The following TJP2 variants were observed in gnomAD, a reference collection of about 807,000 sequenced individuals.
TJP2 encodes the protein Friedreich ataxia region gene X104 (tight junction protein ZO-2).
TJP2 carries 91 observed loss-of-function variants against 133.1 expected under a neutral mutation model. The observed-to-expected ratio is 0.68, with a 90% CI of 0.58 to 0.81. The LOEUF is 0.81. TJP2 is among the 40% of genes least tolerant of loss of function. The pLI is 0.00. For missense variants in TJP2, 1,541 were observed against 1,565.6 expected, an observed-to-expected ratio of 0.98 and a Z score of 0.26; for synonymous variants, 592 against 583.4, an observed-to-expected ratio of 1.01 and a Z score of -0.21.
At chr9:69,252,157 G>A (rs1482566258) in intron 21 of TJP2, among the ~76,000 whole-genome samples, 1 of 152,052 alleles carries the variant, frequency 6.6e-6, no homozygotes, top group Non-Finnish European at 1.5e-5. Context: ...ACTGCACCCA[G>A]CTAATTTTTC....
rs1410610810 is a variant in TJP2, at chr9:69,254,318, C to T, written c.3517C>T (p.His1173Tyr). The T allele has an allele frequency of 6.2e-7, 1 of 1,614,260 alleles. No individual in the cohort carries two copies. Among genetic ancestry groups the T allele is most frequent in the South Asian group, 1.1e-5 (1 of 91,082 alleles). ...GGAGTACCGCCAGCAGCTGTCAGAACACTCCAAGCGCGGTTACTATGGCCA... is the reference window on the plus strand; with the variant it reads ...GGAGTACCGCCAGCAGCTGTCAGAATACTCCAAGCGCGGTTACTATGGCCA... ...EEEYRQQLSE[H>Y]SKRGYYGQSA... Residue 1173 changes from histidine to tyrosine, a missense_variant, in exon 23 of 23, where the codon CAC (histidine) becomes TAC (tyrosine). Coordinates refer to ENST00000377245, the MANE Select transcript of TJP2 (RefSeq NM_004817.4).
At chr9:69,189,262 C>T (rs1039211353) in intron 1 of TJP2, among the ~76,000 whole-genome samples, 6 of 152,120 alleles carry the variant, frequency 3.9e-5, no homozygotes, top group African/African-American at 1.4e-4. Context: ...GCAACCAGCC[C>T]AAGGGGTGGA....
chr9:69,189,420 A>T (rs9410784), intron 1 of TJP2, among the ~76,000 whole-genome samples: 151,562 of 152,302 alleles, frequency 1, 75,413 homozygotes, highest in Middle Eastern at 1. Context: ...AGTCTAAGGT[A>T]GTGTTACTAT....
chr9:69,136,808 T>A (rs2133264922), intron 1 of TJP2, among the ~76,000 whole-genome samples: 1 of 152,264 alleles, frequency 6.6e-6, no homozygotes, highest in Non-Finnish European at 1.5e-5. Flanking sequence ...TCAGGCTTCC[T>A]GGAGAAGGAG....
intron 1 of TJP2, among the ~76,000 whole-genome samples, chr9:69,137,611 G>A (rs1170382948): frequency 5.3e-5 from 8 of 151,808 alleles, no homozygotes; most frequent in African/African-American, 9.7e-5. Flanking sequence ...TGATCTGCCC[G>A]CTTCGGCCTC....
intron 1 of TJP2, among the ~76,000 whole-genome samples, chr9:69,179,297 A>G (rs1458398527): frequency 6.6e-6 from 1 of 152,218 alleles, no homozygotes; most frequent in Non-Finnish European, 1.5e-5. Flanking sequence ...TTTTAACCTG[A>G]AAAACGTAAT....
intron 1 of TJP2, among the ~76,000 whole-genome samples, chr9:69,186,615 G>C (rs887732590): frequency 6.6e-6 from 1 of 152,186 alleles, no homozygotes; most frequent in Non-Finnish European, 1.5e-5. Context: ...TTGGAGACTG[G>C]AAAATAGAGC....
chr9:69,221,173 C>T lies in TJP2; in HGVS notation c.629C>T (p.Ala210Val), dbSNP rs773909292. ...GAGCGGGGCCTGGACCAAGACCATG[C>T]GCGCACCCGAGACCGCAGCCGTGGC... ...SLERGLDQDHARTRDRSRGRS... is the reference protein window; with the variant it reads ...SLERGLDQDHVRTRDRSRGRS... The change falls in exon 5 of 23, where the codon GCG becomes GTG. Residue 210 changes from alanine to valine, a missense_variant. Ala to Val is a moderately conservative substitution (Grantham distance 64). Transcript: ENST00000377245. 14 of 1,593,314 alleles carry T rather than the reference C, an allele frequency of 8.8e-6. No individual in the cohort carries two copies. Among genetic ancestry groups the T allele is most frequent in the Middle Eastern group, 1.7e-4 (1 of 5,994 alleles).
chr9:69,142,210 A>G (rs920117245), intron 1 of TJP2, among the ~76,000 whole-genome samples: 1 of 152,234 alleles, frequency 6.6e-6, no homozygotes, highest in Non-Finnish European at 1.5e-5. Flanking sequence ...GCCAGAGGAC[A>G]GGATTGGAAC....
chr9:69,229,431 T>C (rs762051905), intron 10 of TJP2, among the ~76,000 whole-genome samples, 181 bp downstream of exon 10: 39 of 152,110 alleles, frequency 2.6e-4, no homozygotes, highest in Non-Finnish European at 4.9e-4. Flanking sequence ...AACAGCAAAA[T>C]GCGGAAGTGG....
intron 1 of TJP2, among the ~76,000 whole-genome samples, chr9:69,146,582 T>C (rs1823220864): frequency 6.6e-6 from 1 of 152,164 alleles, no homozygotes; most frequent in South Asian, 2.1e-4. Context: ...TTATAGAAGA[T>C]TTAGAAAATA....
chr9:69,239,497 G>A (rs1220381748), intron 16 of TJP2, among the ~76,000 whole-genome samples: 1 of 152,160 alleles, frequency 6.6e-6, no homozygotes, highest in Non-Finnish European at 1.5e-5. Flanking sequence ...GCATTAGGTA[G>A]AAGGAAATGT....
At chr9:69,249,519 G>A in intron 20 of TJP2, 34 bp downstream of exon 20, 1 of 1,573,678 alleles carries the variant, frequency 6.4e-7, no homozygotes, top group African/African-American at 1.4e-5. Context: ...TGGGAAGGAA[G>A]AGGAAGCAGA....
intron 2 of TJP2, among the ~76,000 whole-genome samples, chr9:69,158,666 C>T (rs1454439548): frequency 6.6e-6 from 1 of 152,148 alleles, no homozygotes; most frequent in East Asian, 1.9e-4. Flanking sequence ...TAGCTCACTG[C>T]AGCCTCCATC....
intron 1 of TJP2, among the ~76,000 whole-genome samples, chr9:69,176,999 C>T (rs545750466): frequency 6.6e-6 from 1 of 152,140 alleles, no homozygotes; most frequent in African/African-American, 2.4e-5. Context: ...TAGAAGGGTT[C>T]GCAATCACTG....
At chr9:69,211,263 G>A (rs142986661) in intron 1 of TJP2, among the ~76,000 whole-genome samples, 2 of 152,184 alleles carry the variant, frequency 1.3e-5, no homozygotes, top group Non-Finnish European at 2.9e-5. Context: ...CTTGAACCTG[G>A]GAGGCGGAGG....
At chr9:69,168,789 C>T (rs573101039) in intron 2 of TJP2, among the ~76,000 whole-genome samples, 11 of 125,148 alleles carry the variant, frequency 8.8e-5, no homozygotes, top group African/African-American at 3.5e-4. Flanking sequence ...GCAACAAGCG[C>T]GAAACTGTCT....
chr9:69,234,476 A>C lies in TJP2; in HGVS notation c.1709A>C (p.Asp570Ala). Residue 570 changes from aspartate (D) to alanine (A), a missense_variant, in exon 12 of 23, where the codon GAT (aspartate) becomes GCT (alanine). By Grantham distance (126) the Asp-to-Ala change is moderately radical. Transcript: ENST00000377245. ...GATTTCAGAGGATTAGTGCGGGAGGATGCCGTTCTCTACCTGTTAGAAATC... is the reference window on the plus strand; with the variant it reads ...GATTTCAGAGGATTAGTGCGGGAGGCTGCCGTTCTCTACCTGTTAGAAATC... ...TQDFRGLVRE[D>A]AVLYLLEIPK... The C allele has an allele frequency of 6.4e-7, 1 of 1,566,474 alleles. No individual in the cohort carries two copies. Among genetic ancestry groups the C allele is most frequent in the African/African-American group, 1.5e-5 (1 of 67,618 alleles).
Position 69,152,817 on chromosome 9 carries a change from CTTTTTTTTTTTTTTTTT to C in TJP2, c.-10+1061_-10+1077del, listed in dbSNP as rs10543289. ...TTACTGAAATGTTCTCTCTGGAGCT[CTTTTTTTTTTTTTTTTT>C]TTTTTTTTTTTTTTGAGACGGAGTC... On this transcript the variant is annotated intron_variant, in intron 2 of 5. Coordinates refer to the TJP2 transcript ENST00000423935. Among the ~76,000 whole-genome samples, 447 of 48,060 alleles carry C rather than the reference CTTTTTTTTTTTTTTTTT, an allele frequency of 9.3e-3. 5 individuals carry two copies. The highest frequency in any genetic ancestry group is 0.027 in the African/African-American group (400 of 14,650). 31.5% of individuals were successfully genotyped at this position (48,060 alleles called of 152,430 possible). A position where few individuals can be genotyped will look rare whatever the true frequency, so the allele number is the denominator to read the frequency against.
Sources: allele counts gnomAD v4.1 joint callset (sites outside exome capture counted in the v4.1 genomes callset), GRCh38; gene constraint gnomAD v4.1.1; transcripts MANE v1.5; gene names NCBI Gene and HGNC (gene_info 2026-07-23, HGNC 2026-07-21).